COQ6: variants seen among roughly 807,000 people sequenced by gnomAD.
COQ6 encodes the protein coenzyme Q6, monooxygenase, also known as ubiquinone biosynthesis monooxygenase COQ6, mitochondrial.
COQ6 carries 45 observed loss-of-function variants against 55.5 expected under a neutral mutation model. The ratio of observed to expected loss-of-function variants is 0.81; its 90% CI spans 0.64 to 1.04. The LOEUF is 1.04. COQ6 is among the 50% of genes least tolerant of loss of function. The pLI, the probability that COQ6 is intolerant of heterozygous loss-of-function variation, is 0.00. For missense variants in COQ6, 550 were observed against 601.3 expected, an observed-to-expected ratio of 0.91 and a Z score of 0.89; for synonymous variants, 206 against 230.5, an observed-to-expected ratio of 0.89 and a Z score of 0.96.
At chr14:73,954,829 G>C (rs1418779208) in intron 2 of COQ6, among the ~76,000 whole-genome samples, 1 of 122,892 alleles carries the variant, frequency 8.1e-6, no homozygotes, top group East Asian at 2.4e-4. Context: ...GGGCTACAGA[G>C]CGAGATTCCG....
At chr14:73,960,203 C>T in intron 8 of COQ6, 1 of 988,162 alleles carries the variant, frequency 1.0e-6, no homozygotes, top group Non-Finnish European at 1.2e-6. Context: ...CAGCATGGGG[C>T]TTAAGAGTAA....
At chr14:73,953,335 TC>T in intron 1 of COQ6, 99 bp from the exon 2 acceptor site, 1 of 1,054,438 alleles carries the variant, frequency 9.5e-7, no homozygotes. Context: ...TGTAAGAAAT[TC>T]ATATTCTAAG....
chr14:73,962,852 T>C, intron 11 of COQ6, 118 bp from the exon 12 acceptor site: 1 of 890,146 alleles, frequency 1.1e-6, no homozygotes, highest in Non-Finnish European at 1.8e-6. Flanking sequence ...TTTTTCTTTT[T>C]TTAGCTGAAA....
In COQ6 at chr14:73,963,221, G is replaced by GACTT. The variant is rs1451059850; in HGVS notation, c.*225_*228dup. Reference sequence around the variant, plus strand: ...ACCAAAGGAAAAAACTTCGAAGGAAGACTTACAATTTGGTTGAAAAGAGCT... The same window carrying GACTT: ...ACCAAAGGAAAAAACTTCGAAGGAAGACTTACTTACAATTTGGTTGAAAAGAGCT... On this transcript the variant is annotated 3_prime_UTR_variant, in exon 12 of 12. Transcript: ENST00000334571. 1.2e-5 allele frequency: 7 copies of GACTT among 584,386 alleles called. No individual in the cohort carries two copies. The highest frequency in any genetic ancestry group is 1.8e-5 in the Non-Finnish European group (6 of 328,818). 36.2% of individuals were successfully genotyped at this position (584,386 alleles called of 1,614,324 possible).
intron 3 of COQ6, 129 bp from the exon 4 acceptor site, chr14:73,955,676 A>C (rs1048154129): frequency 6.7e-7 from 1 of 1,482,938 alleles, no homozygotes; most frequent in African/African-American, 1.4e-5. Flanking sequence ...TTCTCATTTT[A>C]TATTTTCCTA....
At chr14:73,960,822 TG>T (rs2140415020) in intron 8 of COQ6, 2 of 392,676 alleles carry the variant, frequency 5.1e-6, no homozygotes, top group Admixed American at 7.3e-5. Flanking sequence ...GTTATCCTAA[TG>T]AAATAGAGAC....
At chr14:73,958,524 C>G (rs1566688128) in intron 5 of COQ6, 8 of 1,337,928 alleles carry the variant, frequency 6.0e-6, no homozygotes. Context: ...GGACAGGCAC[C>G]AGAGTGTTGG....
intron 8 of COQ6, chr14:73,960,256 T>C (rs1566690881): frequency 4.1e-6 from 4 of 986,680 alleles, no homozygotes; most frequent in Non-Finnish European, 4.8e-6. Flanking sequence ...ATAGTATCAC[T>C]AACTGCTCAG....
chr14:73,958,069 T>C (rs2056526526), intron 4 of COQ6, 78 bp from the exon 5 acceptor site: 1 of 1,167,438 alleles, frequency 8.6e-7, no homozygotes, highest in Admixed American at 1.7e-5. Flanking sequence ...GACCTTGCTT[T>C]AGGTTTAGTT....
At position 73,961,353 on chromosome 14, in the gene COQ6, A is replaced by G. The variant is rs754861649; in HGVS notation, c.1072A>G (p.Arg358Gly). The G allele has an allele frequency of 6.2e-7, 1 of 1,614,216 alleles. No homozygotes were observed. The highest frequency in any genetic ancestry group is 1.1e-5 in the South Asian group (1 of 91,088). The change falls in exon 9 of 12, where the codon AGG (arginine) becomes GGG (glycine). Residue 358 changes from arginine (R) to glycine (G), a missense_variant. Transcript: ENST00000334571. ...LGLGHAAEYV[R>G]PRVALIGDAA... is the part of the protein sequence containing the mutation. ...GTTGGGACATGCTGCTGAGTACGTCAGGCCTCGGGTGGCGCTCATTGGGTA... is the reference window on the plus strand; with the variant it reads ...GTTGGGACATGCTGCTGAGTACGTCGGGCCTCGGGTGGCGCTCATTGGGTA...
Position 73,958,175 on chromosome 14 carries a change from A to T in COQ6, c.510A>T (p.Lys170Asn). The change falls in exon 5 of 12, where the codon AAA becomes AAT. Residue 170 changes from lysine (K) to asparagine (N), a missense_variant. Coordinates refer to ENST00000334571, the MANE Select transcript of COQ6 (RefSeq NM_182476.3). ...SDRVTVLYRSKAIRYTWPCPF... is the reference protein window; with the variant it reads ...SDRVTVLYRSNAIRYTWPCPF... ...GAGTGACGGTTCTCTACAGGAGCAAAGCCATTCGCTATACCTGGCCTTGTC... is the reference window on the plus strand; with the variant it reads ...GAGTGACGGTTCTCTACAGGAGCAATGCCATTCGCTATACCTGGCCTTGTC... 1 of 1,613,976 alleles carries T rather than the reference A, an allele frequency of 6.2e-7. No individual in the cohort carries two copies. The highest frequency in any genetic ancestry group is 8.5e-7 in the Non-Finnish European group (1 of 1,179,994).
intron 8 of COQ6, chr14:73,959,912 C>T: frequency 8.5e-7 from 1 of 1,182,954 alleles, no homozygotes; most frequent in Non-Finnish European, 1.1e-6. Flanking sequence ...AACCAGTCAG[C>T]TGTCCCTTTC....
Position 73,961,896 on chromosome 14 carries a change from C to T in COQ6, c.1370C>T (p.Pro457Leu), listed in dbSNP as rs1325269139. The T allele has an allele frequency of 6.2e-7, 1 of 1,614,182 alleles. No individual in the cohort carries two copies. The highest frequency in any genetic ancestry group is 2.2e-5 in the East Asian group (1 of 44,870). Residue 457 changes from proline (P) to leucine (L), a missense_variant, in exon 11 of 12, where the codon CCA (proline) becomes CTA (leucine). Coordinates refer to ENST00000334571, the MANE Select transcript of COQ6 (RefSeq NM_182476.3). Reference sequence around the variant, plus strand: ...TTGCAGGCCACAAATGCAGTGTCTCCACTCAAAGTAAGAGGTTGCTCAGAG... The same window carrying T: ...TTGCAGGCCACAAATGCAGTGTCTCTACTCAAAGTAAGAGGTTGCTCAGAG... ...WGLQATNAVSPLKEQIMAFAS... is the reference protein window; with the variant it reads ...WGLQATNAVSLLKEQIMAFAS...
intron 10 of COQ6, 36 bp downstream of exon 10, chr14:73,961,606 G>T: frequency 6.2e-7 from 1 of 1,611,014 alleles, no homozygotes; most frequent in Non-Finnish European, 8.5e-7. Flanking sequence ...GTATCCAGAG[G>T]TCATATAGTT....
Position 73,955,425 on chromosome 14 carries a change from TG to T in COQ6, c.299-24del, listed in dbSNP as rs747606882. 4.1e-5 allele frequency: 66 copies of T among 1,604,178 alleles called. No individual in the cohort carries two copies. In the African/African-American group the frequency reaches 8.1e-4, roughly 20 times the overall value. On this transcript the variant is annotated intron_variant, in intron 2 of 11. Transcript: ENST00000334571. ...AGCCCAGGTCCTTGTGAAGTCACTC[TG>T]GTCTATAGATCCTTTCTTTTGTAGG...
chr14:73,957,583 G>A (rs1348961814), intron 4 of COQ6, among the ~76,000 whole-genome samples: 1 of 152,074 alleles, frequency 6.6e-6, no homozygotes. Context: ...GACGACAGGT[G>A]CGCACCATCA....
intron 4 of COQ6, 141 bp downstream of exon 4, chr14:73,956,069 A>AC: frequency 8.1e-7 from 1 of 1,227,272 alleles, no homozygotes; most frequent in Non-Finnish European, 1.2e-6. Context: ...TCACGCCTGT[A>AC]ATCCCAGCAC....
Position 73,950,356 on chromosome 14 carries a change from A to G in COQ6, c.24A>G (p.Arg8=), listed in dbSNP as rs776662962. The change falls in exon 1 of 12, where the codon CGA becomes CGG. Residue 8 remains arginine, a synonymous_variant. Transcript: ENST00000334571. The part of the protein sequence containing the change: MAARLVS[R]CGAVRAAPHS... ...CCATGGCGGCCCGGCTTGTCAGCCGATGCGGGGCTGTGCGTGCAGCTCCCC... is the reference window on the plus strand; with the variant it reads ...CCATGGCGGCCCGGCTTGTCAGCCGGTGCGGGGCTGTGCGTGCAGCTCCCC... 12 of 1,557,104 alleles carry G rather than the reference A, an allele frequency of 7.7e-6. 1 individual carries two copies. In the Admixed American group the frequency reaches 2.1e-4, roughly 27 times the overall value.
At chr14:73,957,788 T>C (rs17782310) in intron 4 of COQ6, among the ~76,000 whole-genome samples, 45,938 of 152,010 alleles carry the variant, frequency 0.3, 8,865 homozygotes, top group Non-Finnish European at 0.42. Context: ...TGGAAGAAAA[T>C]CTTTTGTAGT....
Sources: allele counts gnomAD v4.1 joint callset (sites outside exome capture counted in the v4.1 genomes callset), GRCh38; gene constraint gnomAD v4.1.1; transcripts MANE v1.5; gene names NCBI Gene and HGNC (gene_info 2026-07-23, HGNC 2026-07-21).